WDFY3: variants seen among roughly 807,000 people sequenced by gnomAD.
The protein encoded by WDFY3 is WD repeat and FYVE domain containing 3.
A neutral mutation model predicts 409.6 loss-of-function variants in WDFY3; 66 were observed. That is an observed-to-expected ratio of 0.16 (90% CI 0.13 to 0.20). WDFY3 has a LOEUF of 0.20. WDFY3 is among the 10% of genes least tolerant of loss of function. The pLI is 1.00. For missense variants in WDFY3, 3,031 were observed against 4,298.1 expected (o/e 0.71, Z 8.24); for synonymous variants, 1,521 against 1,537.1 (o/e 0.99, Z 0.25).
intron 2 of WDFY3, among the ~76,000 whole-genome samples, chr4:84,903,930 C>T (rs1170168083): frequency 6.6e-6 from 1 of 152,086 alleles, no homozygotes; most frequent in Non-Finnish European, 1.5e-5. Context: ...TGCCTGCCCG[C>T]CTGCCTGCTA....
intron 4 of WDFY3, 149 bp from the exon 5 acceptor site, chr4:84,850,174 C>T (rs1260401197): frequency 1.1e-5 from 8 of 755,058 alleles, no homozygotes; most frequent in East Asian, 3.1e-5. Flanking sequence ...GAAAATACAA[C>T]GCTTTCAATA....
chr4:84,775,680 G>T (rs1027746075), intron 27 of WDFY3, among the ~76,000 whole-genome samples: 1 of 151,586 alleles, frequency 6.6e-6, no homozygotes, highest in Non-Finnish European at 1.5e-5. Context: ...GAAAAGGGAA[G>T]GGAGTGGCAG....
rs150329829 is a variant in WDFY3 at position 84,810,315 on chromosome 4, A to G, written c.1917T>C (p.His639=). The G allele has an allele frequency of 1.9e-6, 3 of 1,583,118 alleles. No homozygotes were observed. In the African/African-American group the frequency reaches 4.1e-5, roughly 22 times the overall value. ...CTTTCCTAAAAACTGTTCTTGAACG[A>G]TGGCTTTCTCGAAGGACCGACAGGA... ...RALLSVLRES[H]RSRTVFRKVG... is the part of the protein sequence containing the mutation. The change falls in exon 14 of 68, where the codon CAT becomes CAC. Residue 639 remains histidine, a synonymous_variant. Transcript: ENST00000295888.
chr4:84,892,896 T>C (rs930464323), intron 3 of WDFY3, among the ~76,000 whole-genome samples: 4 of 152,218 alleles, frequency 2.6e-5, no homozygotes, highest in Non-Finnish European at 5.9e-5. Flanking sequence ...TCAAGGAATG[T>C]TTCTCTGAGA....
At chr4:84,700,724 C>T (rs1262106323) in intron 56 of WDFY3, among the ~76,000 whole-genome samples, 1 of 152,178 alleles carries the variant, frequency 6.6e-6, no homozygotes, top group Non-Finnish European at 1.5e-5. Context: ...TCTTTCTGCA[C>T]CTCTCCATAT....
At position 84,673,010 on chromosome 4, in the gene WDFY3, C is replaced by A; in HGVS notation, c.10458-19G>T. 1 of 1,613,522 alleles carries A rather than the reference C, an allele frequency of 6.2e-7. No homozygotes were observed. Among genetic ancestry groups the A allele is most frequent in the South Asian group, 1.1e-5 (1 of 90,960 alleles). On this transcript the variant is annotated intron_variant, in intron 67 of 67. Coordinates refer to ENST00000295888, the MANE Select transcript of WDFY3 (RefSeq NM_014991.6). ...ACTGCACCTAAAGGAAAGGAAAAGT[C>A]AATTAATTATAGGTCTTCTCCATGC... is the stretch of plus-strand genomic sequence containing the variant.
At chr4:84,885,719 G>A (rs558782870) in intron 3 of WDFY3, among the ~76,000 whole-genome samples, 47 of 152,294 alleles carry the variant, frequency 3.1e-4, no homozygotes, top group Admixed American at 1.4e-3. Context: ...AAAATGCCAC[G>A]TTGCACCTAA....
chr4:84,914,009 CTGA>C (rs1179012672), intron 2 of WDFY3, among the ~76,000 whole-genome samples: 2 of 152,072 alleles, frequency 1.3e-5, no homozygotes, highest in Non-Finnish European at 2.9e-5. Flanking sequence ...TTTTCTCTTC[CTGA>C]TGATTTTCTT....
chr4:84,889,807 TTTAG>T (rs1330153153), intron 3 of WDFY3, among the ~76,000 whole-genome samples: 15 of 152,162 alleles, frequency 9.9e-5, no homozygotes, highest in African/African-American at 3.6e-4. Flanking sequence ...GCAATCAATG[TTTAG>T]TTATGACATG....
chr4:84,847,602 T>TA (rs757064066), intron 5 of WDFY3, among the ~76,000 whole-genome samples: 1,564 of 79,078 alleles, frequency 0.02, 30 homozygotes, highest in African/African-American at 0.044. Flanking sequence ...CCGTCTCTAC[T>TA]AAAAAAAAAA....
rs1376361219 is a variant in WDFY3, at chr4:84,966,334, CCCGGGAGCCCCGCGCCGCGGGCCGGGGG to C, written c.-379_-352del. ...GACCGGCGCGACGTCCGCGGCGGGGCCCGGGAGCCCCGCGCCGCGGGCCGGGGGCCGGGGCCCGAGCTCGATTCTGCGG... is the reference window on the plus strand; with the variant it reads ...GACCGGCGCGACGTCCGCGGCGGGGCCCGGGGCCCGAGCTCGATTCTGCGG... On this transcript the variant is annotated 5_prime_UTR_variant, in exon 1 of 68. Transcript: ENST00000295888. 2 of 149,260 alleles carry C rather than the reference CCCGGGAGCCCCGCGCCGCGGGCCGGGGG, an allele frequency of 1.3e-5. No homozygotes were observed. Among genetic ancestry groups the C allele is most frequent in the African/African-American group, 4.9e-5 (2 of 41,056 alleles). The allele number at this position is 149,260 out of a possible 1,614,324, so 9.2% of individuals were successfully genotyped here. A position where few individuals can be genotyped will look rare whatever the true frequency, so the allele number is the denominator to read the frequency against.
At position 84,705,413 on chromosome 4, in the gene WDFY3, T is replaced by C. The variant is rs1352399329; in HGVS notation, c.8316A>G (p.Lys2772=). The C allele has an allele frequency of 1.9e-6, 3 of 1,613,850 alleles. No individual in the cohort carries two copies. The East Asian group carries it at 6.7e-5, about 36-fold the overall frequency. ...CCTTACCATTAGGATCCTCCCAGTCTTTATACCGCTTCTTATACTGAGCTA... is the reference window on the plus strand; with the variant it reads ...CCTTACCATTAGGATCCTCCCAGTCCTTATACCGCTTCTTATACTGAGCTA... The part of the protein sequence containing the change: ...ERLAQYKKRY[K]DWEDPNGETP... The change falls in exon 54 of 68, where the codon AAA becomes AAG. Residue 2772 remains lysine, a synonymous_variant. Transcript: ENST00000295888.
At chr4:84,927,222 A>G (rs1413905270) in intron 2 of WDFY3, among the ~76,000 whole-genome samples, 1 of 152,200 alleles carries the variant, frequency 6.6e-6, no homozygotes, top group East Asian at 1.9e-4. Context: ...GTCATGCTCC[A>G]TCTAACCTAA....
intron 1 of WDFY3, among the ~76,000 whole-genome samples, chr4:84,959,923 TA>T (rs769695301): frequency 3.9e-5 from 6 of 152,220 alleles, no homozygotes; most frequent in Non-Finnish European, 7.3e-5. Context: ...AGGAAGGCTA[TA>T]ATCTTATCTA....
intron 55 of WDFY3, 89 bp downstream of exon 55, chr4:84,704,249 T>TA (rs1247113295): frequency 1.0e-6 from 1 of 985,950 alleles, no homozygotes; most frequent in African/African-American, 1.7e-5. Flanking sequence ...GAGCTTCTTA[T>TA]AATAGAAGAT....
At chr4:84,925,495 AAG>A (rs1258982732) in intron 2 of WDFY3, among the ~76,000 whole-genome samples, 3 of 152,182 alleles carry the variant, frequency 2.0e-5, no homozygotes, top group African/African-American at 4.8e-5. Context: ...GAGAAAGAAA[AAG>A]AGAGGAAGAG....
At chr4:84,875,556 TCTTA>T (rs750185549) in intron 3 of WDFY3, among the ~76,000 whole-genome samples, 29 of 152,188 alleles carry the variant, frequency 1.9e-4, no homozygotes, top group Non-Finnish European at 3.8e-4. Context: ...TTACTGAAAC[TCTTA>T]CTTTATGAAC....
rs947979531 is a variant in WDFY3 at position 84,757,256 on chromosome 4, T to G, written c.5189-95A>C. The G allele has an allele frequency of 3.6e-6, 4 of 1,119,598 alleles. No homozygotes were observed. In the African/African-American group the frequency reaches 4.6e-5, roughly 13 times the overall value. 69.4% of individuals were successfully genotyped at this position (1,119,598 alleles called of 1,614,324 possible). A position where few individuals can be genotyped will look rare whatever the true frequency, so the allele number is the denominator to read the frequency against. ...GGAAGTAATTCAGTATGTGTTAACA[T>G]TTCTATCCAGAACATTCATACTACT... On this transcript the variant is annotated intron_variant, in intron 32 of 67. Transcript: ENST00000295888.
chr4:84,730,154 T>C (rs1736345984), intron 44 of WDFY3, among the ~76,000 whole-genome samples: 1 of 152,186 alleles, frequency 6.6e-6, no homozygotes, highest in Admixed American at 6.5e-5. Context: ...AAAGCCCTAC[T>C]AATTTTATAT....
Sources: gnomAD v4.1 joint callset for allele counts (sites outside exome capture counted in the v4.1 genomes callset) on GRCh38, gnomAD v4.1.1 for gene constraint, MANE v1.5 for transcripts, NCBI Gene and HGNC (gene_info 2026-07-23, HGNC 2026-07-21) for gene names.